The following CCDC186 variants were observed in gnomAD, a reference collection of about 807,000 sequenced individuals.
CCDC186 encodes the protein coiled-coil domain containing 186.
CCDC186 carries 49 observed loss-of-function variants against 113.7 expected under a neutral mutation model. That is an observed-to-expected ratio of 0.43 (90% CI 0.34 to 0.55). The LOEUF (loss-of-function observed/expected upper bound fraction) is 0.55, where lower values mean the gene tolerates loss of function less well. Among genes scored for constraint, CCDC186 ranks in the 20% least tolerant of loss-of-function variants. The pLI is 0.02. For synonymous variants in CCDC186, 355 were observed against 345.8 expected, an observed-to-expected ratio of 1.03 and a Z score of -0.30; for missense variants, 890 against 1,011.1, an observed-to-expected ratio of 0.88 and a Z score of 1.62.
At chr10:114,125,508 A>G (rs998183604) in intron 15 of CCDC186, among the ~76,000 whole-genome samples, 11 of 152,184 alleles carry the variant, frequency 7.2e-5, no homozygotes. Flanking sequence ...ACTAACTACT[A>G]ATTTTCAAGG....
chr10:114,138,014 GCAA>G (rs1280279049), intron 6 of CCDC186, among the ~76,000 whole-genome samples: 2 of 114,258 alleles, frequency 1.8e-5, no homozygotes, highest in Non-Finnish European at 3.3e-5. Context: ...TCCAGCCTGG[GCAA>G]CAAGAGTGAA....
At chr10:114,149,822 A>AAGGCAGGAAGGCAGGAAGGC (rs2031787936) in intron 4 of CCDC186, among the ~76,000 whole-genome samples, 1 of 112,906 alleles carries the variant, frequency 8.9e-6, no homozygotes, top group Non-Finnish European at 1.8e-5. Flanking sequence ...GGAAGGCAGG[A>AAGGCAGGAAGGCAGGAAGGC]AGGCAGGAAG....
chr10:114,169,899 T>C (rs2032443970), intron 1 of CCDC186, among the ~76,000 whole-genome samples: 1 of 152,154 alleles, frequency 6.6e-6, no homozygotes, highest in African/African-American at 2.4e-5. Flanking sequence ...AGCTACCTAC[T>C]TATTTATTTA....
intron 7 of CCDC186, 56 bp from the exon 8 acceptor site, chr10:114,136,302 C>T (rs969129606): frequency 1.6e-6 from 2 of 1,225,164 alleles, no homozygotes; most frequent in African/African-American, 3.0e-5. Flanking sequence ...TCCCGTTTGC[C>T]CTGAGAATAC....
intron 2 of CCDC186, chr10:114,161,562 G>A (rs1407369100): frequency 2.6e-5 from 4 of 152,148 alleles, no homozygotes; most frequent in South Asian, 2.1e-4. Context: ...ACAGGAAAAT[G>A]AGAAAGTTAC....
rs1181078585 is a variant in CCDC186 at position 114,121,357 on chromosome 10, TAAC to T, written c.*3783_*3785del. The T allele has an allele frequency of 1.3e-5, 2 of 152,326 alleles. No homozygotes were observed. The highest frequency in any genetic ancestry group is 2.9e-5 in the Non-Finnish European group (2 of 68,018). The allele number at this position is 152,326 out of a possible 1,614,324, so 9.4% of individuals were successfully genotyped here. ...AATATTTTCACCAGGGTAGCATATATAACAACATTTACATTATTAAGGATTCTA... is the reference window on the plus strand; with the variant it reads ...AATATTTTCACCAGGGTAGCATATATAACATTTACATTATTAAGGATTCTA... On this transcript the variant is annotated 3_prime_UTR_variant, in exon 16 of 16. Transcript: ENST00000369287.
At chr10:114,152,745 A>G (rs2031892470) in intron 3 of CCDC186, among the ~76,000 whole-genome samples, 2 of 152,230 alleles carry the variant, frequency 1.3e-5, no homozygotes, top group South Asian at 4.1e-4. Flanking sequence ...TATGTTGTCT[A>G]TAGAAGGCAT....
intron 4 of CCDC186, 99 bp downstream of exon 4, chr10:114,150,993 C>T (rs1284644518): frequency 7.8e-6 from 11 of 1,401,984 alleles, no homozygotes; most frequent in Admixed American, 2.1e-5. Context: ...AGTATTAATA[C>T]AATAGTGAGG....
chr10:114,135,181 G>T, intron 9 of CCDC186, 126 bp from the exon 10 acceptor site: 1 of 953,284 alleles, frequency 1.0e-6, no homozygotes, highest in Non-Finnish European at 1.4e-6. Context: ...AAAATATAAT[G>T]CGAAGTTTAC....
intron 1 of CCDC186, among the ~76,000 whole-genome samples, chr10:114,169,806 G>A (rs1349691231): frequency 1.3e-5 from 2 of 152,158 alleles, no homozygotes; most frequent in African/African-American, 4.8e-5. Context: ...CATCCACACA[G>A]TTCAATGTAA....
rs763349289 is a variant in CCDC186 at position 114,144,504 on chromosome 10, G to A, written c.1214C>T (p.Ser405Leu). 6.2e-7 allele frequency: 1 copy of A among 1,612,766 alleles called. No individual in the cohort carries two copies. Among genetic ancestry groups the A allele is most frequent in the Non-Finnish European group, 8.5e-7 (1 of 1,179,382 alleles). The stretch of plus-strand genomic sequence containing the variant: ...TTGTATTACAGTACGTACCTTGTGT[G>A]AATCCATTTCAGCTTTTAATTTGTT... ...AQNKLKAEMD[S>L]HKETKDKLKE... The change falls in exon 6 of 16, where the codon TCA becomes TTA. Residue 405 changes from serine (S) to leucine (L), a missense_variant. Transcript: ENST00000369287.
chr10:114,130,992 G>C (rs1244490267), intron 12 of CCDC186, 155 bp downstream of exon 12: 6 of 520,212 alleles, frequency 1.2e-5, no homozygotes, highest in African/African-American at 4.0e-5. Flanking sequence ...TAAAAGATCG[G>C]TCATGAAATT....
intron 1 of CCDC186, among the ~76,000 whole-genome samples, 185 bp from the exon 2 acceptor site, chr10:114,163,514 G>A (rs1227059625): frequency 6.6e-6 from 1 of 152,148 alleles, no homozygotes. Context: ...CTAGCTACAA[G>A]CAGTAGGGCC....
At chr10:114,133,371 T>A (rs1190703282) in intron 10 of CCDC186, among the ~76,000 whole-genome samples, 1 of 152,094 alleles carries the variant, frequency 6.6e-6, no homozygotes, top group African/African-American at 2.4e-5. Context: ...TAGGAACATG[T>A]GAGGAGAAGC....
chr10:114,129,652 C>G (rs2031023980), intron 13 of CCDC186, among the ~76,000 whole-genome samples: 1 of 152,094 alleles, frequency 6.6e-6, no homozygotes, highest in Non-Finnish European at 1.5e-5. Flanking sequence ...GCCTCAGCCT[C>G]CCGAGTAGCT....
chr10:114,159,035 G>A (rs2032088995), intron 2 of CCDC186, among the ~76,000 whole-genome samples: 1 of 152,302 alleles, frequency 6.6e-6, no homozygotes, highest in African/African-American at 2.4e-5. Flanking sequence ...AGAGCGAAAA[G>A]CCAGAGAGTG....
chr10:114,139,822 A>ATG (rs2031410122), intron 6 of CCDC186, among the ~76,000 whole-genome samples: 1 of 152,050 alleles, frequency 6.6e-6, no homozygotes, highest in Non-Finnish European at 1.5e-5. Flanking sequence ...AACTTTATAT[A>ATG]TGTTTTTCTA....
intron 4 of CCDC186, among the ~76,000 whole-genome samples, chr10:114,146,290 G>C (rs1444091664): frequency 6.6e-6 from 1 of 152,294 alleles, no homozygotes; most frequent in East Asian, 1.9e-4. Flanking sequence ...TCCTTGTCCA[G>C]CAGCCCTGAA....
At chr10:114,128,150 C>T (rs2030972081) in intron 13 of CCDC186, among the ~76,000 whole-genome samples, 1 of 152,064 alleles carries the variant, frequency 6.6e-6, no homozygotes, top group Admixed American at 6.6e-5. Flanking sequence ...CTTAAAATGG[C>T]ATAAATGATA....
Sources: allele counts gnomAD v4.1 joint callset (sites outside exome capture counted in the v4.1 genomes callset), GRCh38; gene constraint gnomAD v4.1.1; transcripts MANE v1.5; gene names NCBI Gene and HGNC (gene_info 2026-07-23, HGNC 2026-07-21).